MBNL2: variants seen among roughly 807,000 people sequenced by gnomAD.
MBNL2 encodes muscleblind-like protein 2.
Under a neutral mutation model 41.9 loss-of-function variants are expected in MBNL2, and 17 were observed. That is an observed-to-expected ratio of 0.41 (90% CI 0.28 to 0.61). The LOEUF (loss-of-function observed/expected upper bound fraction) is 0.61. Among genes scored for constraint, MBNL2 ranks in the 20% least tolerant of loss-of-function variants. The pLI, the probability that MBNL2 is intolerant of heterozygous loss-of-function variation, is 0.35. For missense variants in MBNL2, 336 were observed against 505.6 expected, an observed-to-expected ratio of 0.66 and a Z score of 3.22; for synonymous variants, 195 against 182.9, an observed-to-expected ratio of 1.07 and a Z score of -0.53.
intron 1 of MBNL2, among the ~76,000 whole-genome samples, chr13:97,257,807 T>C (rs954327425): frequency 6.6e-6 from 1 of 152,242 alleles, no homozygotes; most frequent in African/African-American, 2.4e-5. Flanking sequence ...CACTGGCCCA[T>C]TCCTCAGCTT....
At chr13:97,156,756 T>A in the MBNL2 span, among the ~76,000 whole-genome samples, 2 of 151,830 alleles carry the variant, frequency 1.3e-5, no homozygotes, top group Non-Finnish European at 2.9e-5. Flanking sequence ...TTGATCTATA[T>A]CTCTGTTTTG....
At chr13:97,218,803 G>A (rs1260338753), upstream of MBNL2, among the ~76,000 whole-genome samples, 1 of 151,734 alleles carries the variant, frequency 6.6e-6, no homozygotes, top group African/African-American at 2.4e-5. Flanking sequence ...ATTAAGTCCA[G>A]CTTGGATCTG....
upstream of MBNL2, among the ~76,000 whole-genome samples, chr13:97,218,496 G>A (rs1432016712): frequency 6.6e-6 from 1 of 150,382 alleles, no homozygotes; most frequent in South Asian, 2.1e-4. Flanking sequence ...GATAGATCTC[G>A]AATTTATCAA....
chr13:97,292,888 C>G (rs1229636730), intron 2 of MBNL2, among the ~76,000 whole-genome samples: 1 of 151,948 alleles, frequency 6.6e-6, no homozygotes, highest in Non-Finnish European at 1.5e-5. Context: ...CTCTATCAGT[C>G]TTCTCCCTAA....
intron 2 of MBNL2, among the ~76,000 whole-genome samples, chr13:97,295,346 A>T (rs1337766732): frequency 6.6e-6 from 1 of 151,962 alleles, no homozygotes; most frequent in Non-Finnish European, 1.5e-5. Flanking sequence ...TATACCAAAG[A>T]TACTAACAGA....
intron 4 of MBNL2, 110 bp downstream of exon 4, chr13:97,343,326 C>T: frequency 1.4e-6 from 1 of 730,150 alleles, no homozygotes; most frequent in Non-Finnish European, 2.2e-6. Context: ...GCCATGTAAA[C>T]ACACACACAC....
intron 2 of MBNL2, among the ~76,000 whole-genome samples, chr13:97,279,400 A>G (rs1257778906): frequency 6.6e-6 from 1 of 152,238 alleles, no homozygotes; most frequent in Non-Finnish European, 1.5e-5. Flanking sequence ...CATCCCACAT[A>G]GTTAGTCCAG....
intron 1 of MBNL2, among the ~76,000 whole-genome samples, chr13:97,264,554 C>A (rs921530562): frequency 6.6e-6 from 1 of 152,016 alleles, no homozygotes; most frequent in African/African-American, 2.4e-5. Flanking sequence ...TATAAAGTAG[C>A]TTTCTGTTGA....
At chr13:97,205,346 C>T in the MBNL2 span, among the ~76,000 whole-genome samples, 3 of 150,806 alleles carry the variant, frequency 2.0e-5, no homozygotes, top group Admixed American at 6.6e-5. Context: ...GCTGAGATTG[C>T]GCCACTGCAC....
intron 1 of MBNL2, among the ~76,000 whole-genome samples, chr13:97,254,939 A>G (rs2047244576): frequency 6.6e-6 from 1 of 152,190 alleles, no homozygotes; most frequent in South Asian, 2.1e-4. Flanking sequence ...AGCATACATC[A>G]TGACCATTTC....
At chr13:97,312,795 A>G (rs886461330) in intron 2 of MBNL2, among the ~76,000 whole-genome samples, 1 of 152,204 alleles carries the variant, frequency 6.6e-6, no homozygotes, top group African/African-American at 2.4e-5. Flanking sequence ...ATTACTAAGT[A>G]TGTTTTCACT....
At chr13:97,167,828 A>G in the MBNL2 span, among the ~76,000 whole-genome samples, 1 of 152,206 alleles carries the variant, frequency 6.6e-6, no homozygotes, top group East Asian at 1.9e-4. Flanking sequence ...TGTCTCAGAA[A>G]GGGTCTGTAT....
At chr13:97,157,557 G>C in the MBNL2 span, among the ~76,000 whole-genome samples, 5 of 140,122 alleles carry the variant, frequency 3.6e-5, no homozygotes, top group African/African-American at 1.4e-4. Context: ...TTATTATTTT[G>C]AAATATGTCC....
chr13:97,218,420 A>AAAAACAAAAAC (rs1555302228), upstream of MBNL2, among the ~76,000 whole-genome samples: 1 of 115,074 alleles, frequency 8.7e-6, no homozygotes, highest in African/African-American at 3.5e-5. Flanking sequence ...AAAAAAAAAC[A>AAAAACAAAAAC]AAAACAAAAC....
chr13:97,380,868 G>C (rs748266694), intron 8 of MBNL2, among the ~76,000 whole-genome samples: 5 of 152,162 alleles, frequency 3.3e-5, no homozygotes, highest in Non-Finnish European at 7.4e-5. Flanking sequence ...GGGGAGGGCA[G>C]ATGGTGACCT....
In MBNL2 at chr13:97,393,130, A is replaced by G. The variant is rs1462693146; in HGVS notation, c.*1681A>G. The G allele has an allele frequency of 6.6e-6, 1 of 152,498 alleles. No individual in the cohort carries two copies. Among genetic ancestry groups the G allele is most frequent in the Non-Finnish European group, 1.5e-5 (1 of 67,924 alleles). The allele number at this position is 152,498 out of a possible 1,614,324, so 9.4% of individuals were successfully genotyped here. On this transcript the variant is annotated 3_prime_UTR_variant, in exon 9 of 9. Coordinates refer to ENST00000679496, the MANE Select transcript of MBNL2 (RefSeq NM_001382683.1). ...GTGCTTGTATCGTTGCATTTGTTTTAATTTGTGGAAAAGTATTGTATCTAA... is the reference window on the plus strand; with the variant it reads ...GTGCTTGTATCGTTGCATTTGTTTTGATTTGTGGAAAAGTATTGTATCTAA...
chr13:97,181,274 A>G, the MBNL2 span, among the ~76,000 whole-genome samples: 5 of 152,224 alleles, frequency 3.3e-5, no homozygotes, highest in Admixed American at 2.0e-4. Context: ...ATTTTGCCAT[A>G]TAAGATAATA....
At chr13:97,222,190 T>C (rs1566348608), upstream of MBNL2, 1 of 382,934 alleles carries the variant, frequency 2.6e-6, no homozygotes, top group Non-Finnish European at 4.6e-6. Flanking sequence ...TTTTACACAC[T>C]GCAAGTGCTG....
rs1014067729 is a variant in MBNL2 at position 97,346,019 on chromosome 13, CTAGAT to C, written c.541-779_541-775del. Among the ~76,000 whole-genome samples, 6 of 151,668 alleles carry C rather than the reference CTAGAT, an allele frequency of 4.0e-5. No individual in the cohort carries two copies. Among genetic ancestry groups the C allele is most frequent in the African/African-American group, 1.5e-4 (6 of 41,234 alleles). ...AGCAGGTATATAGATAGGTAGGTAACTAGATTAGATAGATGATTAATTAATTGATA... is the reference window on the plus strand; with the variant it reads ...AGCAGGTATATAGATAGGTAGGTAACTAGATAGATGATTAATTAATTGATA... On this transcript the variant is annotated intron_variant, in intron 4 of 8. Coordinates refer to ENST00000679496, the MANE Select transcript of MBNL2 (RefSeq NM_001382683.1). The surrounding 1 kb of genome is among the most constrained non-coding windows in gnomAD (Gnocchi z 4.2).
Sources: gnomAD v4.1 joint callset for allele counts (sites outside exome capture counted in the v4.1 genomes callset) on GRCh38, gnomAD v4.1.1 for gene constraint, Gnocchi (gnomAD v3.1) non-coding constraint, MANE v1.5 for transcripts, NCBI Gene and HGNC (gene_info 2026-07-23, HGNC 2026-07-21) for gene names.